Variants in RNF13 observed in about 807,000 individuals in gnomAD.
RNF13 encodes the protein E3 ubiquitin-protein ligase RNF13.
Under a neutral mutation model 37.7 loss-of-function variants are expected in RNF13, and 19 were observed. The ratio of observed to expected loss-of-function variants is 0.50; its 90% CI spans 0.35 to 0.74. The LOEUF (loss-of-function observed/expected upper bound fraction) is 0.74. RNF13 is among the 30% of genes least tolerant of loss of function. RNF13 has a pLI of 0.01. For synonymous variants in RNF13, 144 were observed against 157.8 expected, an observed-to-expected ratio of 0.91 and a Z score of 0.65; for missense variants, 375 against 453.0, an observed-to-expected ratio of 0.83 and a Z score of 1.56.
At chr3:149,831,363 A>T (rs1721031206) in intron 1 of RNF13, among the ~76,000 whole-genome samples, 1 of 152,228 alleles carries the variant, frequency 6.6e-6, no homozygotes, top group Non-Finnish European at 1.5e-5. Context: ...GAACTGCCCA[A>T]GTCTGCGGGA....
At chr3:149,952,848 C>T (rs955143181) in intron 8 of RNF13, among the ~76,000 whole-genome samples, 7 of 152,212 alleles carry the variant, frequency 4.6e-5, no homozygotes, top group African/African-American at 1.7e-4. Flanking sequence ...ATCCACCTGC[C>T]TCGACCTCCC....
intron 4 of RNF13, among the ~76,000 whole-genome samples, chr3:149,890,652 A>C (rs1469001290): frequency 2.0e-5 from 3 of 152,166 alleles, no homozygotes; most frequent in Non-Finnish European, 2.9e-5. Context: ...CTGTACTTTT[A>C]ACTAATCTGC....
chr3:149,874,701 A>T (rs1320065837), intron 4 of RNF13, among the ~76,000 whole-genome samples: 1 of 152,162 alleles, frequency 6.6e-6, no homozygotes, highest in Non-Finnish European at 1.5e-5. Context: ...GCTTATAAAG[A>T]CAGTTTAGTC....
chr3:149,906,283 C>CT (rs55797755), intron 6 of RNF13, among the ~76,000 whole-genome samples: 16 of 150,716 alleles, frequency 1.1e-4, no homozygotes, highest in East Asian at 2.0e-4. Flanking sequence ...GTGAATAATG[C>CT]TTTTTTTTTC....
chr3:149,954,866 C>G (rs1368702287), intron 8 of RNF13, among the ~76,000 whole-genome samples: 4 of 152,164 alleles, frequency 2.6e-5, no homozygotes, highest in African/African-American at 9.6e-5. Flanking sequence ...AATTGCTCTT[C>G]AAGCAAAATG....
chr3:149,903,148 C>T (rs1716020515), intron 6 of RNF13, among the ~76,000 whole-genome samples: 1 of 152,032 alleles, frequency 6.6e-6, no homozygotes, highest in Non-Finnish European at 1.5e-5. Context: ...ATACTGTTCA[C>T]ATATTATATG....
At chr3:149,935,728 CCTGA>C (rs1719608579) in intron 8 of RNF13, among the ~76,000 whole-genome samples, 1 of 152,132 alleles carries the variant, frequency 6.6e-6, no homozygotes, top group South Asian at 2.1e-4. Context: ...TTTTATATTG[CCTGA>C]CTTTTAACAG....
At chr3:149,933,188 C>G (rs532766024) in intron 8 of RNF13, among the ~76,000 whole-genome samples, 1 of 151,944 alleles carries the variant, frequency 6.6e-6, no homozygotes, top group East Asian at 1.9e-4. Flanking sequence ...GCAGAGGCTC[C>G]GCAGGCCTGA....
chr3:149,882,313 A>G (rs1375506180), intron 4 of RNF13, among the ~76,000 whole-genome samples: 2 of 152,072 alleles, frequency 1.3e-5, no homozygotes, highest in African/African-American at 2.4e-5. Flanking sequence ...GAAGGAACTA[A>G]CCAACAGATA....
chr3:149,843,727 G>T (rs1287322843), intron 1 of RNF13, among the ~76,000 whole-genome samples: 1 of 152,170 alleles, frequency 6.6e-6, no homozygotes. Context: ...TTTCAGTAGG[G>T]GTTTAGAATG....
intron 1 of RNF13, chr3:149,817,277 T>C (rs2108304923): frequency 6.6e-6 from 1 of 152,282 alleles, no homozygotes; most frequent in East Asian, 1.9e-4. Context: ...CACCCATTAT[T>C]TTTCCCTTTA....
chr3:149,855,853 A>G (rs756261810), intron 3 of RNF13, among the ~76,000 whole-genome samples: 3 of 152,102 alleles, frequency 2.0e-5, no homozygotes, highest in Non-Finnish European at 4.4e-5. Context: ...ACTCTTGCCA[A>G]TCTGATGGGC....
intron 2 of RNF13, among the ~76,000 whole-genome samples, chr3:149,847,301 C>T (rs1056095064): frequency 2.6e-5 from 4 of 152,056 alleles, no homozygotes; most frequent in Non-Finnish European, 4.4e-5. Flanking sequence ...AACATACATG[C>T]CTATACTCTA....
chr3:149,911,855 A>T (rs1161681098), intron 6 of RNF13, 123 bp from the exon 7 acceptor site: 3 of 630,938 alleles, frequency 4.8e-6, no homozygotes, highest in Admixed American at 5.9e-5. Flanking sequence ...AATGAAATGT[A>T]TGTAGTGGAT....
At chr3:149,903,044 C>T (rs922104070) in intron 6 of RNF13, among the ~76,000 whole-genome samples, 96 of 152,116 alleles carry the variant, frequency 6.3e-4, no homozygotes, top group African/African-American at 2.2e-3. Flanking sequence ...AAGAAATCCA[C>T]GAATATTTCT....
intron 8 of RNF13, among the ~76,000 whole-genome samples, chr3:149,952,467 T>C (rs554686889): frequency 6.6e-6 from 1 of 152,160 alleles, no homozygotes; most frequent in South Asian, 2.1e-4. Flanking sequence ...AAAGAAAAAT[T>C]TTAGATTAGG....
chr3:149,895,515 C>A lies in RNF13; in HGVS notation c.364C>A (p.His122Asn). ...AGCAGGATACAAGGCAGCCATAGTTCACAATGTTGATTCTGATGACCTCAT... is the reference window on the plus strand; with the variant it reads ...AGCAGGATACAAGGCAGCCATAGTTAACAATGTTGATTCTGATGACCTCAT... ...QRAGYKAAIV[H>N]NVDSDDLISM... The change falls in exon 5 of 10, where the codon CAC becomes AAC. Residue 122 changes from histidine (H) to asparagine (N), a missense_variant. Coordinates refer to ENST00000392894, the MANE Select transcript of RNF13 (RefSeq NM_183381.3). The A allele has an allele frequency of 6.2e-7, 1 of 1,603,708 alleles. No homozygotes were observed. The highest frequency in any genetic ancestry group is 1.1e-5 in the South Asian group (1 of 90,258).
intron 8 of RNF13, among the ~76,000 whole-genome samples, chr3:149,926,652 T>G (rs536738985): frequency 1.3e-5 from 2 of 152,324 alleles, no homozygotes; most frequent in African/African-American, 4.8e-5. Flanking sequence ...AATTTAAGTT[T>G]TTTTTCCAGT....
intron 8 of RNF13, among the ~76,000 whole-genome samples, chr3:149,935,665 G>A (rs369281539): frequency 3.9e-5 from 6 of 152,200 alleles, no homozygotes; most frequent in Admixed American, 6.5e-5. Flanking sequence ...ACTTTACATC[G>A]TAATTTCATC....
Sources: gnomAD v4.1 joint callset for allele counts (sites outside exome capture counted in the v4.1 genomes callset) on GRCh38, gnomAD v4.1.1 for gene constraint, MANE v1.5 for transcripts, NCBI Gene and HGNC (gene_info 2026-07-23, HGNC 2026-07-21) for gene names.